The following KCNJ6 variants were observed in gnomAD, a reference collection of about 807,000 sequenced individuals.
KCNJ6 encodes G protein-activated inward rectifier potassium channel 2.
In KCNJ6, 9 loss-of-function variants were observed where a neutral mutation model predicts 34.2. That is an observed-to-expected ratio of 0.26 (90% CI 0.16 to 0.46). The LOEUF (loss-of-function observed/expected upper bound fraction) is 0.46. Among genes scored for constraint, KCNJ6 ranks in the 20% least tolerant of loss-of-function variants. The pLI is 1.00. For missense variants in KCNJ6, 236 were observed against 531.3 expected (o/e 0.44, Z 5.46); for synonymous variants, 196 against 207.1 (o/e 0.95, Z 0.46).
chr21:37,856,427 C>A (rs1208070213), intron 1 of KCNJ6, among the ~76,000 whole-genome samples: 2 of 152,176 alleles, frequency 1.3e-5, no homozygotes, highest in Non-Finnish European at 2.9e-5. Context: ...GTGCTTCCGG[C>A]CTTAGTCAGA....
chr21:37,769,321 AC>A (rs1283801204), intron 2 of KCNJ6, among the ~76,000 whole-genome samples: 2 of 151,784 alleles, frequency 1.3e-5, no homozygotes, highest in Non-Finnish European at 2.9e-5. Context: ...GTGTTCAGAT[AC>A]CCCCCACCCC....
intron 3 of KCNJ6, among the ~76,000 whole-genome samples, chr21:37,703,455 T>C (rs529316257): frequency 1.3e-5 from 2 of 152,272 alleles, no homozygotes; most frequent in African/African-American, 4.8e-5. Context: ...CAGGTTGCTA[T>C]CTAAGGGGGA....
chr21:37,657,203 A>G (rs1342100650), intron 3 of KCNJ6, among the ~76,000 whole-genome samples: 2 of 152,120 alleles, frequency 1.3e-5, no homozygotes, highest in African/African-American at 4.8e-5. Context: ...GCCCTGATCC[A>G]AGGCCTGTGC....
chr21:37,625,596 A>G (rs2054307322), intron 3 of KCNJ6, 112 bp from the exon 4 acceptor site: 3 of 686,954 alleles, frequency 4.4e-6, no homozygotes, highest in South Asian at 1.9e-5. Context: ...ACTGACCTGC[A>G]TACGATGCCA....
intron 2 of KCNJ6, among the ~76,000 whole-genome samples, chr21:37,808,121 T>C (rs1350216741): frequency 6.6e-6 from 1 of 152,218 alleles, no homozygotes; most frequent in Non-Finnish European, 1.5e-5. Flanking sequence ...CTTAAATTAT[T>C]CTATGAATTT....
chr21:37,680,978 C>T (rs920868696), intron 3 of KCNJ6, among the ~76,000 whole-genome samples: 1 of 152,210 alleles, frequency 6.6e-6, no homozygotes, highest in African/African-American at 2.4e-5. Context: ...CAGTATCTAG[C>T]TGCTCGCCAG....
chr21:37,647,260 T>C (rs2054409564), intron 3 of KCNJ6, among the ~76,000 whole-genome samples: 1 of 152,102 alleles, frequency 6.6e-6, no homozygotes, highest in African/African-American at 2.4e-5. Context: ...TTTGGATCCA[T>C]GAGGTTTTTT....
Position 37,621,384 on chromosome 21 carries a change from A to G in KCNJ6, c.*3775T>C, listed in dbSNP as rs2054289383. 1 of 152,126 alleles carries G rather than the reference A, an allele frequency of 6.6e-6. No individual in the cohort carries two copies. 9.4% of individuals were successfully genotyped at this position (152,126 alleles called of 1,614,324 possible). A position where few individuals can be genotyped will look rare whatever the true frequency, so the allele number is the denominator to read the frequency against. On this transcript the variant is annotated 3_prime_UTR_variant, in exon 4 of 4. Transcript: ENST00000609713. ...CCCCTTTCTCTGTCCACCAGTTCCC[A>G]CCTTTGTAAGCAGTTTCTAAATATC...
At chr21:37,851,844 AC>A (rs2055539187) in intron 1 of KCNJ6, among the ~76,000 whole-genome samples, 1 of 151,882 alleles carries the variant, frequency 6.6e-6, no homozygotes. Flanking sequence ...AGGAAGCCAT[AC>A]CAGCTAGGGA....
At chr21:37,769,435 T>G (rs1458531885) in intron 2 of KCNJ6, among the ~76,000 whole-genome samples, 2 of 149,760 alleles carry the variant, frequency 1.3e-5, no homozygotes, top group Non-Finnish European at 3.0e-5. Context: ...TTATTATTAT[T>G]ATTATTATTA....
chr21:37,691,318 T>C (rs2054638720), intron 3 of KCNJ6, among the ~76,000 whole-genome samples: 1 of 152,184 alleles, frequency 6.6e-6, no homozygotes, highest in South Asian at 2.1e-4. Context: ...CTTCATTTAC[T>C]AGACTGGAAG....
chr21:37,631,242 C>T (rs1025148029), intron 3 of KCNJ6, among the ~76,000 whole-genome samples: 2 of 152,030 alleles, frequency 1.3e-5, no homozygotes, highest in East Asian at 1.9e-4. Context: ...AGCTTAATAT[C>T]GTTCATTGGC....
intron 2 of KCNJ6, among the ~76,000 whole-genome samples, chr21:37,791,760 AT>A (rs538566874): frequency 0.012 from 1,752 of 149,730 alleles, 14 homozygotes; most frequent in African/African-American, 0.027. Flanking sequence ...GCAAAGATTG[AT>A]TTTTTTTTTA....
At chr21:37,864,861 GTC>G (rs1187208830) in intron 1 of KCNJ6, among the ~76,000 whole-genome samples, 36 of 146,822 alleles carry the variant, frequency 2.5e-4, no homozygotes, top group African/African-American at 4.6e-4. Flanking sequence ...CTCCCCATCT[GTC>G]TCTCTCTCTT....
At position 37,771,309 on chromosome 21, in the gene KCNJ6, A is replaced by C. The variant is rs532588556; in HGVS notation, c.26-56178T>G. Among the ~76,000 whole-genome samples, 7 of 152,246 alleles carry C rather than the reference A, an allele frequency of 4.6e-5. No individual in the cohort carries two copies. The South Asian group carries it at 1.5e-3, about 32-fold the overall frequency. ...AGATTATCCTAGATAATCTAGATGG[A>C]CCTGAATCCTTAAAAGCAGGGTTGA... On this transcript the variant is annotated intron_variant, in intron 2 of 3. Transcript: ENST00000609713.
chr21:37,839,154 G>C (rs1262826296), intron 2 of KCNJ6, among the ~76,000 whole-genome samples: 2 of 152,140 alleles, frequency 1.3e-5, no homozygotes, highest in Admixed American at 6.5e-5. Flanking sequence ...TGCAAGAATG[G>C]ACTAATACAA....
chr21:37,777,993 C>T (rs2055150288), intron 2 of KCNJ6, among the ~76,000 whole-genome samples: 1 of 152,110 alleles, frequency 6.6e-6, no homozygotes, highest in East Asian at 1.9e-4. Context: ...GTTGCCTGTT[C>T]TAGAAGAGGA....
At chr21:37,753,235 T>C (rs909471058) in intron 2 of KCNJ6, among the ~76,000 whole-genome samples, 2 of 152,190 alleles carry the variant, frequency 1.3e-5, no homozygotes, top group Non-Finnish European at 2.9e-5. Context: ...GAAGCACGGA[T>C]TGAACCTGTC....
chr21:37,745,032 G>A (rs965508587), intron 2 of KCNJ6, among the ~76,000 whole-genome samples: 5 of 149,652 alleles, frequency 3.3e-5, no homozygotes, highest in African/African-American at 9.8e-5. Flanking sequence ...AGGGAACCAG[G>A]GAGATAGTAG....
Sources: gnomAD v4.1 joint callset for allele counts (sites outside exome capture counted in the v4.1 genomes callset) on GRCh38, gnomAD v4.1.1 for gene constraint, MANE v1.5 for transcripts, NCBI Gene and HGNC (gene_info 2026-07-23, HGNC 2026-07-21) for gene names.